The following NAV3 variants were observed in gnomAD, a reference collection of about 807,000 sequenced individuals.
NAV3 encodes the protein neuron navigator 3.
In NAV3, 87 loss-of-function variants were observed where a neutral mutation model predicts 244.7. The ratio of observed to expected loss-of-function variants is 0.36; its 90% confidence interval spans 0.30 to 0.42. The LOEUF (loss-of-function observed/expected upper bound fraction) is 0.42, where lower values mean the gene tolerates loss of function less well. Ranked by LOEUF, NAV3 falls within the 20% of genes least tolerant of loss-of-function variation. The pLI, the probability that NAV3 is intolerant of heterozygous loss-of-function variation, is 1.00. For synonymous variants in NAV3, 1,126 were observed against 1,042.2 expected (o/e 1.08, Z -1.55); for missense variants, 2,663 against 2,893.3 (o/e 0.92, Z 1.83).
intron 1 of NAV3, among the ~76,000 whole-genome samples, chr12:77,857,046 A>T (rs574071865): frequency 2.6e-5 from 4 of 152,134 alleles, no homozygotes; most frequent in Middle Eastern, 3.2e-3. Flanking sequence ...TGGCTGATCT[A>T]AAAAATGAGA....
chr12:77,986,550 G>C (rs947014705), intron 5 of NAV3, among the ~76,000 whole-genome samples: 1 of 152,058 alleles, frequency 6.6e-6, no homozygotes, highest in Non-Finnish European at 1.5e-5. Context: ...TTAGGTTTTG[G>C]TGATTTATAG....
intron 9 of NAV3, chr12:78,036,663 G>A (rs1367100917): frequency 6.1e-6 from 3 of 491,006 alleles, no homozygotes; most frequent in Non-Finnish European, 7.3e-6. Flanking sequence ...TGTAAGTACT[G>A]CTGATTAGTA....
At chr12:77,667,579 C>T (rs1873773405) in intron 2 of NAV3, among the ~76,000 whole-genome samples, 1 of 152,040 alleles carries the variant, frequency 6.6e-6, no homozygotes, top group African/African-American at 2.4e-5. Flanking sequence ...AATCCCATCC[C>T]CCACAGTAGT....
intron 12 of NAV3, among the ~76,000 whole-genome samples, chr12:78,097,830 A>G (rs959711434): frequency 1.3e-5 from 2 of 152,126 alleles, no homozygotes; most frequent in Non-Finnish European, 2.9e-5. Flanking sequence ...TTATTTTTAC[A>G]TAACGTTTCC....
chr12:77,644,283 C>T (rs963359398), intron 2 of NAV3, among the ~76,000 whole-genome samples: 2 of 151,986 alleles, frequency 1.3e-5, no homozygotes, highest in Non-Finnish European at 2.9e-5. Flanking sequence ...TTTATGTCCC[C>T]TCATGTGGTA....
chr12:78,084,023 T>G (rs899324146), intron 12 of NAV3, among the ~76,000 whole-genome samples: 5 of 152,214 alleles, frequency 3.3e-5, no homozygotes, highest in African/African-American at 9.6e-5. Flanking sequence ...CCTGTCCAGC[T>G]GAATGTGATT....
At chr12:78,144,903 A>G (rs1956789998) in intron 20 of NAV3, 1 of 138,132 alleles carries the variant, frequency 7.2e-6, no homozygotes, top group Non-Finnish European at 1.3e-5. Context: ...ATAGATCAAG[A>G]TCCTGTCTCA....
At chr12:77,684,984 A>G (rs1290817022) in intron 2 of NAV3, among the ~76,000 whole-genome samples, 2 of 152,168 alleles carry the variant, frequency 1.3e-5, no homozygotes, top group Non-Finnish European at 2.9e-5. Context: ...AACCTGTTCC[A>G]TTGGTCTATT....
At chr12:78,185,184 A>G (rs897445569) in intron 30 of NAV3, among the ~76,000 whole-genome samples, 1 of 151,848 alleles carries the variant, frequency 6.6e-6, no homozygotes, top group Non-Finnish European at 1.5e-5. Flanking sequence ...AGTCAATTTC[A>G]GCACCTTTAC....
chr12:77,852,876 T>C (rs1278928728), intron 1 of NAV3, among the ~76,000 whole-genome samples: 2 of 152,194 alleles, frequency 1.3e-5, no homozygotes, highest in Non-Finnish European at 2.9e-5. Flanking sequence ...TTTATTCTGC[T>C]TTTAATGTGG....
intron 5 of NAV3, among the ~76,000 whole-genome samples, chr12:77,978,855 A>G (rs1229459318): frequency 2.6e-5 from 4 of 151,990 alleles, no homozygotes; most frequent in Admixed American, 2.6e-4. Flanking sequence ...ATAAAACAAA[A>G]TAACGATTGA....
At position 77,904,608 on chromosome 12, in the gene NAV3, C is replaced by T. The variant is rs559266756; in HGVS notation, c.244-35711C>T. ...TGTATACATATGTAACAAACCTGCA[C>T]GTTGTGCACATGTACCCTAAAACTT... On this transcript the variant is annotated intron_variant, in intron 1 of 39. Transcript: ENST00000397909. 4.6e-5 allele frequency among the ~76,000 whole-genome samples: 7 copies of T among 151,994 alleles called. 1 individual carries two copies. The East Asian group carries it at 7.8e-4, about 17-fold the overall frequency.
chr12:77,974,014 C>A (rs1893238895), intron 5 of NAV3, among the ~76,000 whole-genome samples: 1 of 151,896 alleles, frequency 6.6e-6, no homozygotes. Context: ...CATTTGGAAA[C>A]CAAGAGTATG....
intron 26 of NAV3, among the ~76,000 whole-genome samples, 158 bp from the exon 27 acceptor site, chr12:78,176,982 CA>C (rs1219295243): frequency 6.6e-6 from 1 of 151,902 alleles, no homozygotes; most frequent in African/African-American, 2.4e-5. Context: ...AACACGGTAT[CA>C]TTTTTTTTTT....
intron 33 of NAV3, among the ~76,000 whole-genome samples, chr12:78,189,136 T>A (rs1958858414): frequency 1.3e-5 from 2 of 151,888 alleles, no homozygotes; most frequent in African/African-American, 2.4e-5. Context: ...CATTGATATA[T>A]CTTTGATTTT....
chr12:77,996,986 T>C (rs1872452819), intron 6 of NAV3, among the ~76,000 whole-genome samples: 1 of 152,154 alleles, frequency 6.6e-6, no homozygotes, highest in African/African-American at 2.4e-5. Context: ...CTCACGCCTG[T>C]AATCCCAACA....
intron 9 of NAV3, among the ~76,000 whole-genome samples, chr12:78,029,743 G>A (rs1348924953): frequency 1.3e-5 from 2 of 152,152 alleles, no homozygotes; most frequent in East Asian, 3.8e-4. Flanking sequence ...AGGTATTCTG[G>A]CAATGCTACT....
At chr12:78,007,548 T>A (rs1874457283) in intron 8 of NAV3, 103 bp downstream of exon 8, 1 of 1,273,840 alleles carries the variant, frequency 7.9e-7, no homozygotes, top group Non-Finnish European at 1.1e-6. Flanking sequence ...ATGTCGTCAT[T>A]TTGGAGTAAA....
chr12:77,786,412 G>A (rs1330977910), intron 2 of NAV3, among the ~76,000 whole-genome samples: 1 of 151,470 alleles, frequency 6.6e-6, no homozygotes, highest in Non-Finnish European at 1.5e-5. Flanking sequence ...TTTTAATATT[G>A]TTCATATGTT....
Sources: gnomAD v4.1 joint callset for allele counts (sites outside exome capture counted in the v4.1 genomes callset) on GRCh38, gnomAD v4.1.1 for gene constraint, MANE v1.5 for transcripts, NCBI Gene and HGNC (gene_info 2026-07-23, HGNC 2026-07-21) for gene names.